CCSER1: variants seen among roughly 807,000 people sequenced by gnomAD.
The protein encoded by CCSER1 is serine-rich coiled-coil domain-containing protein 1.
CCSER1 carries 41 observed loss-of-function variants against 82.0 expected under a neutral mutation model. The observed-to-expected ratio is 0.50, with a 90% CI of 0.39 to 0.65. The LOEUF is 0.65. CCSER1 is among the 30% of genes least tolerant of loss of function. CCSER1 has a pLI of 0.00. For missense variants in CCSER1, 1,119 were observed against 1,064.2 expected (o/e 1.05, Z -0.72); for synonymous variants, 414 against 383.9 (o/e 1.08, Z -0.92).
Position 90,297,221 on chromosome 4 carries a change from T to G in CCSER1, c.-41-11023T>G, listed in dbSNP as rs1732140621. ...AGAGGTCCTTCACATCCCTTGTAAG[T>G]TGGATTCCTAGGTATTTTATTCTCT... On this transcript the variant is annotated intron_variant, in intron 1 of 10. Transcript: ENST00000509176. Among the ~76,000 whole-genome samples the G allele has an allele frequency of 2.0e-5, 3 of 150,208 alleles. 1 individual carries two copies. The highest frequency in any genetic ancestry group is 2.0e-4 in the Admixed American group (3 of 15,206).
intron 1 of CCSER1, among the ~76,000 whole-genome samples, chr4:90,145,003 C>A (rs1317653539): frequency 6.6e-6 from 1 of 152,034 alleles, no homozygotes; most frequent in Non-Finnish European, 1.5e-5. Flanking sequence ...AATAAGCAAT[C>A]TATTTTCTGG....
chr4:90,425,691 C>G (rs1379536398), intron 4 of CCSER1, among the ~76,000 whole-genome samples: 1 of 152,178 alleles, frequency 6.6e-6, no homozygotes, highest in Non-Finnish European at 1.5e-5. Context: ...ACCCACCAAA[C>G]TGATCTTGAT....
chr4:90,873,469 T>C (rs943719092), intron 8 of CCSER1, among the ~76,000 whole-genome samples: 1 of 152,112 alleles, frequency 6.6e-6, no homozygotes, highest in Admixed American at 6.6e-5. Flanking sequence ...TATTTTACTA[T>C]CTTGTTCCAC....
intron 7 of CCSER1, among the ~76,000 whole-genome samples, chr4:90,784,427 A>G (rs7683460): frequency 0.59 from 89,570 of 152,006 alleles, 26,725 homozygotes; most frequent in African/African-American, 0.68. Flanking sequence ...TTCAATAACA[A>G]TGTGTTCCAA....
At chr4:91,379,568 A>G (rs1006550451) in intron 10 of CCSER1, among the ~76,000 whole-genome samples, 1 of 152,142 alleles carries the variant, frequency 6.6e-6, no homozygotes, top group African/African-American at 2.4e-5. Context: ...CTCTGATGGT[A>G]GTTTGTATTT....
chr4:90,839,096 G>A (rs567797915), intron 8 of CCSER1: 3 of 1,319,010 alleles, frequency 2.3e-6, no homozygotes, highest in Non-Finnish European at 2.2e-6. Flanking sequence ...GGTCTGCGCA[G>A]TGGCCACCAC....
intron 9 of CCSER1, among the ~76,000 whole-genome samples, chr4:90,934,933 CACACACACGCACACACACAG>C (rs913198607): frequency 6.6e-6 from 1 of 151,890 alleles, no homozygotes; most frequent in African/African-American, 2.4e-5. Context: ...CTCCATCACA[CACACACACGCACACACACAG>C]ACACACACAA....
chr4:90,921,995 C>T (rs1728452874), intron 8 of CCSER1, among the ~76,000 whole-genome samples: 1 of 151,840 alleles, frequency 6.6e-6, no homozygotes, highest in South Asian at 2.1e-4. Context: ...AAAATGCAGC[C>T]ACATTTTTAC....
chr4:90,379,819 C>A (rs185929029), intron 3 of CCSER1, among the ~76,000 whole-genome samples: 192 of 152,194 alleles, frequency 1.3e-3, no homozygotes, highest in African/African-American at 4.3e-3. Flanking sequence ...ACTCATGGTT[C>A]TGCAGGCTGT....
chr4:90,814,979 A>G (rs2149760300), intron 7 of CCSER1, among the ~76,000 whole-genome samples: 1 of 152,120 alleles, frequency 6.6e-6, no homozygotes, highest in Middle Eastern at 3.4e-3. Flanking sequence ...GCAGTGCCCC[A>G]CTCCAATCAC....
intron 5 of CCSER1, among the ~76,000 whole-genome samples, chr4:90,489,558 A>C (rs1375660968): frequency 6.6e-6 from 1 of 152,154 alleles, no homozygotes; most frequent in African/African-American, 2.4e-5. Flanking sequence ...GCTAGGGTAC[A>C]TGTGCACAAT....
At chr4:91,544,358 C>A (rs1456569147) in intron 10 of CCSER1, among the ~76,000 whole-genome samples, 1 of 152,194 alleles carries the variant, frequency 6.6e-6, no homozygotes, top group African/African-American at 2.4e-5. Flanking sequence ...TGGCAAGGAA[C>A]TGCGTCCCTT....
At chr4:91,569,422 G>T (rs551855478) in intron 10 of CCSER1, among the ~76,000 whole-genome samples, 2 of 152,188 alleles carry the variant, frequency 1.3e-5, no homozygotes, top group African/African-American at 4.8e-5. Context: ...GTCTCCTGGG[G>T]GCTTGTATTA....
intron 6 of CCSER1, among the ~76,000 whole-genome samples, chr4:90,661,921 T>C (rs956491523): frequency 6.6e-6 from 1 of 151,972 alleles, no homozygotes; most frequent in Non-Finnish European, 1.5e-5. Context: ...AAAAAATTTA[T>C]TTTAGGTCTG....
At chr4:90,505,696 T>C (rs917726131) in intron 5 of CCSER1, among the ~76,000 whole-genome samples, 1 of 152,220 alleles carries the variant, frequency 6.6e-6, no homozygotes, top group African/African-American at 2.4e-5. Context: ...GATGTTGCCA[T>C]GGTATTTGTA....
chr4:91,357,972 A>G (rs1748970884), intron 10 of CCSER1, among the ~76,000 whole-genome samples: 1 of 146,282 alleles, frequency 6.8e-6, no homozygotes, highest in Admixed American at 7.0e-5. Context: ...ACAAGATTAG[A>G]AGTTACCATA....
chr4:90,647,347 T>G lies in CCSER1; in HGVS notation c.1932+19115T>G, dbSNP rs112301799. The stretch of plus-strand genomic sequence containing the variant: ...GTTTAAGGAGGGGTTTTTGTTGTTG[T>G]TGTTGTTTCTCAGGTAGACACATAT... On this transcript the variant is annotated intron_variant, in intron 6 of 10. Coordinates refer to ENST00000509176, the MANE Select transcript of CCSER1 (RefSeq NM_001145065.2). Among the ~76,000 whole-genome samples, 746 of 152,266 alleles carry G rather than the reference T, an allele frequency of 4.9e-3. 2 individuals carry two copies. Among genetic ancestry groups the G allele is most frequent in the South Asian group, 0.012 (59 of 4,824 alleles).
intron 8 of CCSER1, among the ~76,000 whole-genome samples, chr4:90,862,080 A>G (rs1232579621): frequency 6.6e-6 from 1 of 151,636 alleles, no homozygotes; most frequent in Non-Finnish European, 1.5e-5. Context: ...AGGTAGTTCA[A>G]AATCTGAGAA....
intron 4 of CCSER1, among the ~76,000 whole-genome samples, chr4:90,424,529 T>C (rs1757261353): frequency 6.6e-6 from 1 of 152,232 alleles, no homozygotes; most frequent in Admixed American, 6.5e-5. Context: ...GATGCATTTA[T>C]ATATGTAGAT....
Sources: allele counts gnomAD v4.1 joint callset (sites outside exome capture counted in the v4.1 genomes callset), GRCh38; gene constraint gnomAD v4.1.1; transcripts MANE v1.5; gene names NCBI Gene and HGNC (gene_info 2026-07-23, HGNC 2026-07-21).